The following GRID1 variants were observed in gnomAD, a reference collection of about 807,000 sequenced individuals.
GRID1 encodes glutamate receptor ionotropic, delta-1.
GRID1 carries 28 observed loss-of-function variants against 98.0 expected under a neutral mutation model. That is an observed-to-expected ratio of 0.29 (90% CI 0.21 to 0.39). The LOEUF is 0.39. Among genes scored for constraint, GRID1 ranks in the 10% least tolerant of loss-of-function variants. The pLI is 1.00. For missense variants in GRID1, 1,111 were observed against 1,340.5 expected (o/e 0.83, Z 2.67); for synonymous variants, 553 against 538.5 (o/e 1.03, Z -0.37).
At chr10:86,011,924 G>T (rs1276741602) in intron 4 of GRID1, among the ~76,000 whole-genome samples, 1 of 152,158 alleles carries the variant, frequency 6.6e-6, no homozygotes, top group African/African-American at 2.4e-5. Context: ...TTGGGAGGCC[G>T]AAGCGAGCAG....
intron 2 of GRID1, among the ~76,000 whole-genome samples, chr10:86,284,642 C>T (rs901653755): frequency 6.6e-6 from 1 of 152,218 alleles, no homozygotes; most frequent in Non-Finnish European, 1.5e-5. Context: ...CCCAAAGCAG[C>T]GAATGTGGGC....
chr10:86,128,731 T>G (rs958280991), intron 4 of GRID1, among the ~76,000 whole-genome samples: 1 of 152,198 alleles, frequency 6.6e-6, no homozygotes, highest in South Asian at 2.1e-4. Flanking sequence ...TTCAGAATGT[T>G]GACCTTGCCC....
chr10:85,650,814 A>G (rs1321287010), intron 12 of GRID1, among the ~76,000 whole-genome samples: 1 of 152,220 alleles, frequency 6.6e-6, no homozygotes, highest in Non-Finnish European at 1.5e-5. Flanking sequence ...ATGAAAACAC[A>G]TGGCTTATTC....
At chr10:86,082,449 A>G (rs770346128) in intron 4 of GRID1, among the ~76,000 whole-genome samples, 6 of 152,158 alleles carry the variant, frequency 3.9e-5, no homozygotes, top group Non-Finnish European at 7.4e-5. Flanking sequence ...TGGTTGCTCT[A>G]GGCAAGCATG....
intron 3 of GRID1, among the ~76,000 whole-genome samples, chr10:86,150,121 T>C (rs889603693): frequency 6.6e-6 from 1 of 152,246 alleles, no homozygotes; most frequent in African/African-American, 2.4e-5. Context: ...GCTGCTTTGA[T>C]GCCATTTTTT....
chr10:85,764,744 TAC>T (rs1842181039), intron 8 of GRID1, among the ~76,000 whole-genome samples: 1 of 152,260 alleles, frequency 6.6e-6, no homozygotes, highest in East Asian at 1.9e-4. Context: ...TTTGTGAAGC[TAC>T]AGTTTACTCT....
intron 8 of GRID1, among the ~76,000 whole-genome samples, chr10:85,818,299 T>A (rs1217829167): frequency 6.6e-6 from 1 of 152,034 alleles, no homozygotes; most frequent in African/African-American, 2.4e-5. Flanking sequence ...TCCATCTATT[T>A]GTATCTACAA....
At chr10:86,001,974 A>G (rs1483613747) in intron 4 of GRID1, among the ~76,000 whole-genome samples, 1 of 151,906 alleles carries the variant, frequency 6.6e-6, no homozygotes, top group Non-Finnish European at 1.5e-5. Flanking sequence ...TATAACTCCA[A>G]TCTCTGCCTC....
intron 4 of GRID1, among the ~76,000 whole-genome samples, chr10:86,112,105 G>T (rs550301717): frequency 4.3e-4 from 65 of 152,178 alleles, no homozygotes; most frequent in Non-Finnish European, 8.8e-4. Flanking sequence ...CTCAACACAG[G>T]AGTTGTCCAA....
At chr10:85,641,379 T>C (rs1564686314) in intron 13 of GRID1, among the ~76,000 whole-genome samples, 1 of 152,214 alleles carries the variant, frequency 6.6e-6, no homozygotes, top group Non-Finnish European at 1.5e-5. Flanking sequence ...ACCTTTGCTA[T>C]GACACATGGA....
intron 8 of GRID1, among the ~76,000 whole-genome samples, chr10:85,822,431 G>T (rs1258089623): frequency 6.6e-6 from 1 of 152,152 alleles, no homozygotes; most frequent in Non-Finnish European, 1.5e-5. Flanking sequence ...ACAGACACAT[G>T]AAAAAATGCT....
intron 4 of GRID1, among the ~76,000 whole-genome samples, chr10:86,117,610 A>G (rs1271930671): frequency 6.7e-6 from 1 of 150,116 alleles, no homozygotes; most frequent in Non-Finnish European, 1.5e-5. Context: ...CATCACCACT[A>G]TCACCACCAC....
intron 4 of GRID1, among the ~76,000 whole-genome samples, chr10:86,080,715 G>A (rs1450975511): frequency 2.0e-5 from 3 of 152,074 alleles, no homozygotes; most frequent in South Asian, 2.1e-4. Context: ...TTTGTGCTAC[G>A]CAGGGAAAAC....
At chr10:86,017,090 A>G (rs1233752624) in intron 4 of GRID1, among the ~76,000 whole-genome samples, 1 of 152,220 alleles carries the variant, frequency 6.6e-6, no homozygotes, top group Non-Finnish European at 1.5e-5. Context: ...GACACAAAGT[A>G]TTGGACCTGC....
chr10:85,665,718 G>A (rs1255503408), intron 12 of GRID1, among the ~76,000 whole-genome samples: 5 of 152,158 alleles, frequency 3.3e-5, no homozygotes, highest in Admixed American at 6.5e-5. Flanking sequence ...GGAAAATGGT[G>A]CAAAACACCT....
chr10:86,007,340 T>C (rs540810315), intron 4 of GRID1, among the ~76,000 whole-genome samples: 48 of 152,276 alleles, frequency 3.2e-4, no homozygotes, highest in Admixed American at 3.9e-4. Flanking sequence ...CTCAGGTTCT[T>C]GAGTTCCAAG....
chr10:85,743,105 G>GCACCCCC (rs774463906), intron 8 of GRID1, among the ~76,000 whole-genome samples: 1 of 82,672 alleles, frequency 1.2e-5, no homozygotes, highest in Non-Finnish European at 2.4e-5. Context: ...GAATTATGCA[G>GCACCCCC]CCCCCCCCCC....
chr10:85,710,287 G>T (rs925004690), intron 12 of GRID1, among the ~76,000 whole-genome samples: 3 of 152,130 alleles, frequency 2.0e-5, no homozygotes, highest in African/African-American at 7.2e-5. Context: ...TAGACCAGTG[G>T]AATAGACTAG....
At chr10:85,797,329 C>T (rs967778180) in intron 8 of GRID1, among the ~76,000 whole-genome samples, 3 of 152,008 alleles carry the variant, frequency 2.0e-5, no homozygotes, top group Non-Finnish European at 4.4e-5. Context: ...GAGTATAGTA[C>T]ACAATTGTTG....
Sources: gnomAD v4.1 joint callset for allele counts (sites outside exome capture counted in the v4.1 genomes callset) on GRCh38, gnomAD v4.1.1 for gene constraint, MANE v1.5 for transcripts, NCBI Gene and HGNC (gene_info 2026-07-23, HGNC 2026-07-21) for gene names.